SEC24D: variants seen among roughly 807,000 people sequenced by gnomAD.
The protein encoded by SEC24D is protein transport protein Sec24D.
In SEC24D, 69 loss-of-function variants were observed where a neutral mutation model predicts 116.9. The ratio of observed to expected loss-of-function variants is 0.59; its 90% CI spans 0.49 to 0.72. SEC24D has a LOEUF of 0.72. Among genes scored for constraint, SEC24D ranks in the 30% least tolerant of loss-of-function variants. The pLI, the probability that SEC24D is intolerant of heterozygous loss-of-function variation, is 0.00. For synonymous variants in SEC24D, 405 were observed against 442.8 expected, an observed-to-expected ratio of 0.91 and a Z score of 1.07; for missense variants, 1,131 against 1,264.1, an observed-to-expected ratio of 0.89 and a Z score of 1.60.
chr4:118,792,355 A>G (rs1010286426), intron 8 of SEC24D, among the ~76,000 whole-genome samples: 1 of 151,914 alleles, frequency 6.6e-6, no homozygotes, highest in African/African-American at 2.4e-5. Flanking sequence ...GGAAGTGAGG[A>G]GCCCCTCTGC....
intron 4 of SEC24D, chr4:118,816,789 C>A: frequency 2.2e-6 from 1 of 455,864 alleles, no homozygotes; most frequent in South Asian, 1.6e-5. Flanking sequence ...TACTGTGACT[C>A]TTTCCTCTCC....
chr4:118,734,239 A>T (rs946926940), intron 19 of SEC24D, among the ~76,000 whole-genome samples: 1 of 151,274 alleles, frequency 6.6e-6, no homozygotes, highest in Admixed American at 6.6e-5. Flanking sequence ...TTTGAGATGG[A>T]GTCTCACTCT....
At chr4:118,797,596 T>C in intron 8 of SEC24D, 87 bp downstream of exon 8, 6 of 1,003,488 alleles carry the variant, frequency 6.0e-6, no homozygotes, top group Non-Finnish European at 8.4e-6. Flanking sequence ...CCTGTTTATA[T>C]TATAGAATAA....
intron 13 of SEC24D, among the ~76,000 whole-genome samples, chr4:118,749,223 T>C (rs1653159822): frequency 6.6e-6 from 1 of 152,306 alleles, no homozygotes; most frequent in Non-Finnish European, 1.5e-5. Context: ...GCTGTGGACA[T>C]GGAAGCATTT....
intron 2 of SEC24D, among the ~76,000 whole-genome samples, chr4:118,831,080 G>T (rs945249241): frequency 1.3e-5 from 2 of 152,148 alleles, no homozygotes; most frequent in Non-Finnish European, 2.9e-5. Context: ...GGAGTGCAGT[G>T]GCGTGATCTT....
chr4:118,759,169 T>C (rs374483211), intron 10 of SEC24D, among the ~76,000 whole-genome samples: 18 of 152,212 alleles, frequency 1.2e-4, no homozygotes, highest in East Asian at 9.6e-4. Flanking sequence ...TTTTGAAATA[T>C]TCAAAATTAA....
rs1418543815 is a variant in SEC24D, at chr4:118,815,073, C to T, written c.756G>A (p.Pro252=). 4.3e-6 allele frequency: 7 copies of T among 1,613,990 alleles called. No individual in the cohort carries two copies. The Admixed American group carries it at 5.0e-5, about 12-fold the overall frequency. Residue 252 remains proline (P), a synonymous_variant, in exon 6 of 23, where the codon CCG becomes CCA. Transcript: ENST00000280551. ...GATCCAGCTTCTTCTGGGGCTGTGG[C>T]GGACCAGCCATCTGTGCAGGACCTC... ...FPGGPAQMAG[P]PQPQKKLDPD... is the part of the protein sequence containing the mutation.
At chr4:118,733,238 C>T in intron 19 of SEC24D, 1 of 153,812 alleles carries the variant, frequency 6.5e-6, no homozygotes, top group Non-Finnish European at 1.3e-5. Flanking sequence ...CTGTCTTTTT[C>T]TCAGTGTTTT....
intron 8 of SEC24D, among the ~76,000 whole-genome samples, chr4:118,786,386 A>C (rs1226494860): frequency 6.6e-6 from 1 of 152,148 alleles, no homozygotes; most frequent in Non-Finnish European, 1.5e-5. Flanking sequence ...ATTTCTATGA[A>C]GCTTTCCAAT....
intron 17 of SEC24D, 115 bp from the exon 18 acceptor site, chr4:118,739,402 C>T (rs1461150886): frequency 1.1e-6 from 1 of 910,394 alleles, no homozygotes; most frequent in African/African-American, 1.7e-5. Flanking sequence ...AGACCTCTAA[C>T]TATTTTTCCA....
At chr4:118,765,388 A>C (rs1727596785) in intron 9 of SEC24D, among the ~76,000 whole-genome samples, 1 of 152,232 alleles carries the variant, frequency 6.6e-6, no homozygotes, top group African/African-American at 2.4e-5. Context: ...GTAATCTTTT[A>C]ATGTTTGCGC....
At chr4:118,807,606 T>C (rs1729731346) in intron 6 of SEC24D, among the ~76,000 whole-genome samples, 1 of 152,110 alleles carries the variant, frequency 6.6e-6, no homozygotes. Context: ...TTTTTAATAT[T>C]CTTAAAACCA....
intron 7 of SEC24D, among the ~76,000 whole-genome samples, chr4:118,801,348 A>C (rs952216471): frequency 6.6e-6 from 1 of 152,186 alleles, no homozygotes; most frequent in Non-Finnish European, 1.5e-5. Context: ...CCAAAGTTAG[A>C]TAGCTTCTAG....
intron 20 of SEC24D, 75 bp from the exon 21 acceptor site, chr4:118,731,582 T>C: frequency 7.7e-7 from 1 of 1,298,810 alleles, no homozygotes; most frequent in South Asian, 1.2e-5. Context: ...TTTCCTTTCC[T>C]TTTTCCTCCC....
intron 2 of SEC24D, among the ~76,000 whole-genome samples, chr4:118,828,696 T>A (rs1730697232): frequency 6.6e-6 from 1 of 152,144 alleles, no homozygotes; most frequent in African/African-American, 2.4e-5. Context: ...GAGAGCAGTA[T>A]GCCCAGCTGT....
In SEC24D at chr4:118,737,843, A is replaced by G. The variant is rs181106360; in HGVS notation, c.2496+418T>C. Among the ~76,000 whole-genome samples the G allele has an allele frequency of 4.6e-5, 7 of 152,240 alleles. No individual in the cohort carries two copies. In the East Asian group the frequency reaches 1.2e-3, roughly 25 times the overall value. ...GTAAAGAATTCCTGTATTTATATTTATAAATTATATTTGTTTATAAAATGT... is the reference window on the plus strand; with the variant it reads ...GTAAAGAATTCCTGTATTTATATTTGTAAATTATATTTGTTTATAAAATGT... On this transcript the variant is annotated intron_variant, in intron 19 of 22. Coordinates refer to ENST00000280551, the MANE Select transcript of SEC24D (RefSeq NM_014822.4).
intron 6 of SEC24D, among the ~76,000 whole-genome samples, chr4:118,809,949 TA>T (rs1433964193): frequency 6.6e-6 from 1 of 152,122 alleles, no homozygotes; most frequent in East Asian, 1.9e-4. Context: ...GAAGAGCATC[TA>T]AGCAGAATAA....
intron 13 of SEC24D, among the ~76,000 whole-genome samples, chr4:118,746,070 G>C (rs1157592680): frequency 6.6e-5 from 10 of 152,046 alleles, no homozygotes; most frequent in Non-Finnish European, 1.0e-4. Flanking sequence ...CAGCTACTCA[G>C]GAGGCTGAGG....
At position 118,825,572 on chromosome 4, in the gene SEC24D, T is replaced by C. The variant is rs970651708; in HGVS notation, c.119-823A>G. 4 of 456,190 alleles carry C rather than the reference T, an allele frequency of 8.8e-6. No individual in the cohort carries two copies. The Admixed American group carries it at 9.4e-5, about 11-fold the overall frequency. The allele number at this position is 456,190 out of a possible 1,614,324, so 28.3% of individuals were successfully genotyped here. On this transcript the variant is annotated intron_variant, in intron 2 of 22. Transcript: ENST00000280551. ...GGCCCCACTGGTTACTTATTAGTTGTATGAACCTGGGCAAGAAGCTTATCT... is the reference window on the plus strand; with the variant it reads ...GGCCCCACTGGTTACTTATTAGTTGCATGAACCTGGGCAAGAAGCTTATCT...
Sources: allele counts gnomAD v4.1 joint callset (sites outside exome capture counted in the v4.1 genomes callset), GRCh38; gene constraint gnomAD v4.1.1; transcripts MANE v1.5; gene names NCBI Gene and HGNC (gene_info 2026-07-23, HGNC 2026-07-21).